The following AIG1 variants were observed in gnomAD, a reference collection of about 807,000 sequenced individuals.
AIG1 encodes the protein androgen induced 1, also known as androgen-induced gene 1 protein.
A neutral mutation model predicts 31.4 loss-of-function variants in AIG1; 23 were observed. The ratio of observed to expected loss-of-function variants is 0.73; its 90% CI spans 0.53 to 1.04. The LOEUF (loss-of-function observed/expected upper bound fraction) is 1.04. Among genes scored for constraint, AIG1 ranks in the 50% least tolerant of loss-of-function variants. The pLI is 0.00. For missense variants in AIG1, 274 were observed against 295.0 expected, an observed-to-expected ratio of 0.93 and a Z score of 0.52; for synonymous variants, 100 against 110.5, an observed-to-expected ratio of 0.90 and a Z score of 0.60.
intron 1 of AIG1, among the ~76,000 whole-genome samples, chr6:143,076,426 CA>C (rs1427847678): frequency 1.3e-5 from 2 of 152,024 alleles, no homozygotes; most frequent in Non-Finnish European, 2.9e-5. Flanking sequence ...TGTCTTTTTC[CA>C]TATTTTTACT....
chr6:143,179,324 C>G (rs1056235358), intron 3 of AIG1, among the ~76,000 whole-genome samples: 2 of 152,062 alleles, frequency 1.3e-5, no homozygotes, highest in African/African-American at 4.8e-5. Context: ...AAAAGAATTC[C>G]AAGAAAGAAT....
intron 3 of AIG1, among the ~76,000 whole-genome samples, chr6:143,253,067 G>A (rs982797971): frequency 6.6e-6 from 1 of 152,182 alleles, no homozygotes; most frequent in East Asian, 1.9e-4. Flanking sequence ...ATCATTTCTA[G>A]CCTAAATGTA....
At chr6:143,217,560 G>C (rs760036106) in intron 3 of AIG1, among the ~76,000 whole-genome samples, 1 of 152,132 alleles carries the variant, frequency 6.6e-6, no homozygotes, top group Non-Finnish European at 1.5e-5. Context: ...CCAGGCTGGA[G>C]TGGAGTGGTG....
At chr6:143,184,724 T>C (rs1409303862) in intron 3 of AIG1, among the ~76,000 whole-genome samples, 1 of 152,242 alleles carries the variant, frequency 6.6e-6, no homozygotes, top group Non-Finnish European at 1.5e-5. Context: ...CCCTCTTTCT[T>C]CACCAGTCCC....
chr6:143,141,283 G>A (rs1293900869), intron 2 of AIG1, among the ~76,000 whole-genome samples: 1 of 152,104 alleles, frequency 6.6e-6, no homozygotes, highest in Non-Finnish European at 1.5e-5. Flanking sequence ...GACATGGGTG[G>A]TTTATCTGGG....
rs1189617207 is a variant in AIG1 at position 143,333,063 on chromosome 6, GT to G, written c.516-218del. Among the ~76,000 whole-genome samples the G allele has an allele frequency of 6.6e-6, 1 of 152,208 alleles. No homozygotes were observed. The highest frequency in any genetic ancestry group is 1.5e-5 in the Non-Finnish European group (1 of 68,036). ...AACATGAGGGGAAGCTGAGTGTGTTGTGCTTCTTCTGTGAGTCTAAAATTAT... is the reference window on the plus strand; with the variant it reads ...AACATGAGGGGAAGCTGAGTGTGTTGGCTTCTTCTGTGAGTCTAAAATTAT... On this transcript the variant is annotated intron_variant, in intron 4 of 5. Transcript: ENST00000357847. This position sits in a 1 kb window ranked among gnomAD's most constrained non-coding sequence, Gnocchi z 4.6.
intron 5 of AIG1, among the ~76,000 whole-genome samples, chr6:143,336,980 T>C (rs1158966799): frequency 1.3e-5 from 2 of 152,126 alleles, no homozygotes; most frequent in African/African-American, 4.8e-5. Flanking sequence ...CGGGGGAAAT[T>C]CCATTCCATT....
At chr6:143,190,662 T>C (rs1423905482) in intron 3 of AIG1, 2 of 960,976 alleles carry the variant, frequency 2.1e-6, no homozygotes, top group Non-Finnish European at 1.2e-6. Context: ...AAGCCCCAGG[T>C]AAGGACTTTC....
chr6:143,243,962 T>C (rs1430482309), intron 3 of AIG1, among the ~76,000 whole-genome samples: 1 of 152,180 alleles, frequency 6.6e-6, no homozygotes, highest in Non-Finnish European at 1.5e-5. Flanking sequence ...CCTCAGTGCT[T>C]CAGGCAGGTC....
intron 1 of AIG1, among the ~76,000 whole-genome samples, chr6:143,078,907 A>C (rs1777966593): frequency 1.3e-5 from 2 of 152,200 alleles, no homozygotes; most frequent in Non-Finnish European, 2.9e-5. Flanking sequence ...CAGGCAACCA[A>C]CCAAGTTTCC....
chr6:143,199,312 T>C (rs2128605132), intron 3 of AIG1, among the ~76,000 whole-genome samples: 1 of 152,164 alleles, frequency 6.6e-6, no homozygotes, highest in East Asian at 1.9e-4. Context: ...AAGATATACA[T>C]AAGTGAAATG....
intron 2 of AIG1, among the ~76,000 whole-genome samples, chr6:143,163,483 A>G (rs1025128521): frequency 2.0e-5 from 3 of 152,150 alleles, no homozygotes; most frequent in Admixed American, 2.0e-4. Context: ...AGGATCCTCA[A>G]GTTTTCCTAA....
intron 3 of AIG1, among the ~76,000 whole-genome samples, chr6:143,200,902 C>T (rs1714224647): frequency 6.7e-6 from 1 of 149,006 alleles, no homozygotes; most frequent in South Asian, 2.2e-4. Flanking sequence ...ACATTTATAT[C>T]TCATTTGAGT....
At chr6:143,143,528 A>AAAAATATATATATATAT (rs1554249782) in intron 2 of AIG1, among the ~76,000 whole-genome samples, 12 of 27,782 alleles carry the variant, frequency 4.3e-4, no homozygotes, top group South Asian at 1.7e-3. Context: ...AAAAAAAAAA[A>AAAAATATATATATATAT]ATATATATAT....
intron 1 of AIG1, among the ~76,000 whole-genome samples, chr6:143,092,889 A>G (rs1215400200): frequency 5.3e-5 from 8 of 152,142 alleles, no homozygotes; most frequent in Non-Finnish European, 1.0e-4. Context: ...ATCTCTACTT[A>G]AAATTTAAAA....
intron 1 of AIG1, among the ~76,000 whole-genome samples, chr6:143,122,674 G>A (rs1057347409): frequency 6.6e-6 from 1 of 152,090 alleles, no homozygotes; most frequent in Non-Finnish European, 1.5e-5. Context: ...CATGAGATTA[G>A]TTCTTCATAG....
At position 143,287,752 on chromosome 6, in the gene AIG1, A is replaced by C. The variant is rs888439621; in HGVS notation, c.515+3527A>C. 2.4e-4 allele frequency among the ~76,000 whole-genome samples: 36 copies of C among 151,398 alleles called. 1 individual carries two copies. In the South Asian group the frequency reaches 4.8e-3, roughly 20 times the overall value. ...CTGACTACAGTAAAAAAAAAAAAAA[A>C]AAAAAAAAAAAATCTATATTTGCTA... is the stretch of plus-strand genomic sequence containing the variant. On this transcript the variant is annotated intron_variant, in intron 4 of 5. Coordinates refer to ENST00000357847, the MANE Select transcript of AIG1 (RefSeq NM_016108.4).
chr6:143,188,093 G>A, intron 3 of AIG1: 7 of 1,013,648 alleles, frequency 6.9e-6, no homozygotes, highest in South Asian at 4.1e-5. Flanking sequence ...AGTGATAAAT[G>A]GAGAGACGGG....
intron 5 of AIG1, chr6:143,335,030 T>C: frequency 7.3e-7 from 1 of 1,371,220 alleles, no homozygotes; most frequent in Non-Finnish European, 9.6e-7. Context: ...TTGACTAACT[T>C]TTTTTAAAAA....
Sources: allele counts gnomAD v4.1 joint callset (sites outside exome capture counted in the v4.1 genomes callset), GRCh38; gene constraint gnomAD v4.1.1; non-coding constraint Gnocchi (gnomAD v3.1); transcripts MANE v1.5; gene names NCBI Gene and HGNC (gene_info 2026-07-23, HGNC 2026-07-21).